Variants in AMMECR1 observed in about 807,000 individuals in gnomAD.
The protein encoded by AMMECR1 is nuclear protein AMMECR1.
Under a neutral mutation model 22.5 loss-of-function variants are expected in AMMECR1, and 3 were observed. The ratio of observed to expected loss-of-function variants is 0.13; its 90% CI spans 0.06 to 0.35. AMMECR1 has a LOEUF of 0.35. AMMECR1 is among the 10% of genes least tolerant of loss of function. The pLI is 1.00. For missense variants in AMMECR1, 235 were observed against 278.7 expected (o/e 0.84, Z 1.12); for synonymous variants, 130 against 116.7 (o/e 1.11, Z -0.74).
At chrX:110,312,795 T>A (rs939933057) in intron 1 of AMMECR1, among the ~76,000 whole-genome samples, 1 of 111,393 alleles carries the variant, frequency 9.0e-6, no homozygotes, top group Non-Finnish European at 1.9e-5. Flanking sequence ...AAAACAACCA[T>A]ATTATACCTT....
chrX:110,375,830 AT>A (rs1197865123), intron 2 of AMMECR1, among the ~76,000 whole-genome samples: 20 of 112,166 alleles, frequency 1.8e-4, no homozygotes, highest in African/African-American at 3.2e-5. Context: ...AGTATAAGAC[AT>A]TTTGAGTGAG....
At chrX:110,267,441 A>T in intron 1 of AMMECR1, among the ~76,000 whole-genome samples, 1 of 110,756 alleles carries the variant, frequency 9.0e-6, no homozygotes, top group Non-Finnish European at 1.9e-5. Context: ...GTAGCATATG[A>T]TCATAAATTA....
intron 2 of AMMECR1, among the ~76,000 whole-genome samples, chrX:110,224,532 AAAG>A (rs2067521901): frequency 9.1e-6 from 1 of 109,810 alleles, no homozygotes; most frequent in African/African-American, 3.4e-5. Flanking sequence ...GAAATAAAAA[AAAG>A]ATATATATAT....
Position 110,202,553 on chromosome X carries a change from G to A in AMMECR1, c.700-17C>T. On this transcript the variant is annotated splice_polypyrimidine_tract_variant and intron_variant, in intron 3 of 5. Transcript: ENST00000262844. ...TACACCCACCTGAAAGAAATTGGCA[G>A]TTTTATTAGTACAGTCTTCTTCATA... 2 of 1,029,082 alleles carry A rather than the reference G, an allele frequency of 1.9e-6. No homozygotes were observed. The highest frequency in any genetic ancestry group is 2.7e-6 in the Non-Finnish European group (2 of 731,611). The allele number at this position is 1,029,082 out of a possible 1,213,427, so 84.8% of individuals were successfully genotyped here.
chrX:110,420,420 G>A (rs373597960), intron 2 of AMMECR1, among the ~76,000 whole-genome samples: 10 of 111,961 alleles, frequency 8.9e-5, no homozygotes, highest in Admixed American at 3.8e-4. Context: ...CCCTGGTCAA[G>A]CATAGCACTG....
At chrX:110,231,586 G>A (rs2067566664) in intron 2 of AMMECR1, among the ~76,000 whole-genome samples, 2 of 112,032 alleles carry the variant, frequency 1.8e-5, no homozygotes, top group South Asian at 3.7e-4. Flanking sequence ...GACCATCGAT[G>A]CTAAGAAGAA....
intron 1 of AMMECR1, among the ~76,000 whole-genome samples, chrX:110,310,485 G>A (rs1324804617): frequency 1.8e-5 from 2 of 111,225 alleles, no homozygotes; most frequent in African/African-American, 3.3e-5. Context: ...TCTATAAACC[G>A]ATGTGTCCTC....
rs141785452 is a variant in AMMECR1 at position 110,438,628 on chromosome X, T to C, written c.-294+1262A>G. Reference sequence around the variant, plus strand: ...TCCTCCCGAGACTAGTTTTGTCCTATAGCCTGAAAACAAATCCGGTCTCCA... The same window carrying C: ...TCCTCCCGAGACTAGTTTTGTCCTACAGCCTGAAAACAAATCCGGTCTCCA... On this transcript the variant is annotated intron_variant, in intron 1 of 7. Coordinates refer to the AMMECR1 transcript ENST00000372057. Among the ~76,000 whole-genome samples the C allele has an allele frequency of 7.4e-3, 826 of 111,594 alleles. 6 individuals are homozygous for C. Among genetic ancestry groups the C allele is most frequent in the African/African-American group, 0.026 (787 of 30,702 alleles).
intron 2 of AMMECR1, among the ~76,000 whole-genome samples, chrX:110,325,643 C>T (rs1156810994): frequency 8.9e-6 from 1 of 112,067 alleles, no homozygotes; most frequent in Non-Finnish European, 1.9e-5. Flanking sequence ...GTAATATCAT[C>T]CCATTTCTGA....
intron 1 of AMMECR1, among the ~76,000 whole-genome samples, chrX:110,271,491 A>G (rs1344467933): frequency 2.7e-5 from 3 of 112,147 alleles, no homozygotes; most frequent in Non-Finnish European, 5.6e-5. Flanking sequence ...AAGCACAAGC[A>G]TACTTTAAGG....
chrX:110,285,843 C>G (rs1182704553), intron 1 of AMMECR1, among the ~76,000 whole-genome samples: 1 of 111,132 alleles, frequency 9.0e-6, no homozygotes, highest in Non-Finnish European at 1.9e-5. Flanking sequence ...GAAAGTGTCC[C>G]ATTTTTCAAA....
At chrX:110,228,807 T>C (rs774434686) in intron 2 of AMMECR1, among the ~76,000 whole-genome samples, 1 of 112,114 alleles carries the variant, frequency 8.9e-6, no homozygotes, top group Admixed American at 9.5e-5. Context: ...TATACGCTCC[T>C]AGTAGGGGCT....
At chrX:110,222,532 C>T (rs1366177100) in intron 2 of AMMECR1, among the ~76,000 whole-genome samples, 1 of 93,678 alleles carries the variant, frequency 1.1e-5, no homozygotes, top group African/African-American at 4.0e-5. Flanking sequence ...ACCAGCATGG[C>T]ACATGTATAC....
chrX:110,330,851 GT>G (rs1402297172), intron 2 of AMMECR1, among the ~76,000 whole-genome samples: 3 of 111,226 alleles, frequency 2.7e-5, no homozygotes, highest in Admixed American at 1.9e-4. Flanking sequence ...CTCACTTTAT[GT>G]TTACTGCTAG....
intron 2 of AMMECR1, among the ~76,000 whole-genome samples, chrX:110,238,219 A>G (rs1429385724): frequency 8.9e-6 from 1 of 112,300 alleles, no homozygotes; most frequent in Non-Finnish European, 1.9e-5. Flanking sequence ...TAAATATTTC[A>G]TTCATTCTTT....
intron 2 of AMMECR1, among the ~76,000 whole-genome samples, chrX:110,245,064 T>C (rs770026124): frequency 8.9e-6 from 1 of 111,876 alleles, no homozygotes; most frequent in South Asian, 3.7e-4. Context: ...AGGGCAATAG[T>C]AAGCATATTA....
At chrX:110,323,317 C>A (rs1399160461) in intron 2 of AMMECR1, among the ~76,000 whole-genome samples, 1 of 111,796 alleles carries the variant, frequency 8.9e-6, no homozygotes, top group African/African-American at 3.3e-5. Flanking sequence ...AATATTCATG[C>A]AGTTATGCAA....
chrX:110,207,050 G>C (rs2067425062), intron 3 of AMMECR1, among the ~76,000 whole-genome samples: 1 of 111,765 alleles, frequency 8.9e-6, no homozygotes, highest in Admixed American at 9.5e-5. Context: ...GTGAATGAAA[G>C]GACACTGTTC....
intron 2 of AMMECR1, among the ~76,000 whole-genome samples, chrX:110,335,798 G>A (rs575257895): frequency 8.0e-5 from 9 of 111,892 alleles, no homozygotes; most frequent in Middle Eastern, 4.6e-3. Context: ...TACTCTTTGC[G>A]TGCTTAGTAC....
Sources: gnomAD v4.1 joint callset for allele counts (sites outside exome capture counted in the v4.1 genomes callset) on GRCh38, gnomAD v4.1.1 for gene constraint, MANE v1.5 for transcripts, NCBI Gene and HGNC (gene_info 2026-07-23, HGNC 2026-07-21) for gene names.